Variants in SP5 observed in about 807,000 individuals in gnomAD.
SP5 encodes the protein transcription factor Sp5.
SP5 carries 12 observed loss-of-function variants against 27.4 expected under a neutral mutation model. The observed-to-expected ratio is 0.44, with a 90% CI of 0.28 to 0.71. The LOEUF (loss-of-function observed/expected upper bound fraction) is 0.71. SP5 is among the 30% of genes least tolerant of loss of function. The pLI, the probability that SP5 is intolerant of heterozygous loss-of-function variation, is 0.15. For synonymous variants in SP5, 330 were observed against 290.7 expected (o/e 1.14, Z -1.38); for missense variants, 660 against 589.8 (o/e 1.12, Z -1.23).
rs370850115 is a variant in SP5, at chr2:170,716,390, C to T, written c.183C>T (p.Pro61=). 1 of 1,598,546 alleles carries T rather than the reference C, an allele frequency of 6.3e-7. No individual in the cohort carries two copies. The highest frequency in any genetic ancestry group is 1.7e-5 in the Admixed American group (1 of 59,880). Residue 61 remains proline (P), a synonymous_variant, in exon 2 of 2, where the codon CCC becomes CCT. Coordinates refer to ENST00000375281, the MANE Select transcript of SP5 (RefSeq NM_001003845.3). ...ACTTCCTGCAGGTGCCCTACGACCCCGCGCTGGGCTCACCCTCCAGGCTCT... is the reference window on the plus strand; with the variant it reads ...ACTTCCTGCAGGTGCCCTACGACCCTGCGCTGGGCTCACCCTCCAGGCTCT... ...PPDFLQVPYD[P]ALGSPSRLFH...
rs895395729 is a variant in SP5, at chr2:170,716,501, G to C, written c.294G>C (p.Lys98Asn). The C allele has an allele frequency of 6.2e-7, 1 of 1,610,512 alleles. No individual in the cohort carries two copies. The highest frequency in any genetic ancestry group is 1.7e-5 in the Admixed American group (1 of 59,934). Residue 98 changes from lysine to asparagine, a missense_variant, in exon 2 of 2, where the codon AAG becomes AAC. Lys to Asn is a moderately conservative substitution (Grantham distance 94). Transcript: ENST00000375281. ...PHPSLGLTPQKTHLQPSFGAA... is the reference protein window; with the variant it reads ...PHPSLGLTPQNTHLQPSFGAA... Reference sequence around the variant, plus strand: ...CCAGCTTGGGGCTGACGCCGCAGAAGACGCACCTGCAGCCGTCCTTCGGGG... The same window carrying C: ...CCAGCTTGGGGCTGACGCCGCAGAACACGCACCTGCAGCCGTCCTTCGGGG...
rs779736326 is a variant in SP5 at position 170,716,695 on chromosome 2, T to TGCC, written c.489_491dup (p.Pro173dup). The TGCC allele has an allele frequency of 3.9e-6, 6 of 1,535,772 alleles. No homozygotes were observed. Among genetic ancestry groups the TGCC allele is most frequent in the African/African-American group, 2.9e-5 (2 of 69,484 alleles). ...CTGCCGCCAGGCTACTCCAACCTGCTGCCTCCGCCGCCGCCACCGCCCCCG... is the reference window on the plus strand; with the variant it reads ...CTGCCGCCAGGCTACTCCAACCTGCTGCCGCCTCCGCCGCCGCCACCGCCCCCG... On this transcript the variant is annotated inframe_insertion, in exon 2 of 2. Transcript: ENST00000375281.
rs1700104758 is a variant in SP5 at position 170,718,002 on chromosome 2, G to T, written c.*598G>T. On this transcript the variant is annotated 3_prime_UTR_variant, in exon 2 of 2. Coordinates refer to ENST00000375281, the MANE Select transcript of SP5 (RefSeq NM_001003845.3). ...AGACCCCGTTGAGCCGGTCTCATTTGATCTTTTCTTCTTCTGGGTGGCTGT... is the reference window on the plus strand; with the variant it reads ...AGACCCCGTTGAGCCGGTCTCATTTTATCTTTTCTTCTTCTGGGTGGCTGT... 6.6e-6 allele frequency: 1 copy of T among 152,418 alleles called. No individual in the cohort carries two copies. The highest frequency in any genetic ancestry group is 6.5e-5 in the Admixed American group (1 of 15,286). 9.4% of individuals were successfully genotyped at this position (152,418 alleles called of 1,614,324 possible).
rs1700100943 is a variant in SP5 at position 170,717,706 on chromosome 2, G to C, written c.*302G>C. 2 of 510,428 alleles carry C rather than the reference G, an allele frequency of 3.9e-6. No homozygotes were observed. The highest frequency in any genetic ancestry group is 7.0e-5 in the Admixed American group (2 of 28,588). The allele number at this position is 510,428 out of a possible 1,614,324, so 31.6% of individuals were successfully genotyped here. A position where few individuals can be genotyped will look rare whatever the true frequency, so the allele number is the denominator to read the frequency against. On this transcript the variant is annotated 3_prime_UTR_variant, in exon 2 of 2. Coordinates refer to ENST00000375281, the MANE Select transcript of SP5 (RefSeq NM_001003845.3). ...CCTACAGTTTCGGGGGACCACCCTG[G>C]TCTGGCCTTGTATATAGGAAATGCT... is the stretch of plus-strand genomic sequence containing the variant.
At position 170,717,413 on chromosome 2, in the gene SP5, G is replaced by A; in HGVS notation, c.*9G>A. 1 of 1,609,310 alleles carries A rather than the reference G, an allele frequency of 6.2e-7. No individual in the cohort carries two copies. The highest frequency in any genetic ancestry group is 8.5e-7 in the Non-Finnish European group (1 of 1,179,700). Reference sequence around the variant, plus strand: ...ACGCGCGGGACCTGTGAGCCCTCCCGGAGGTGGACCCCCTTCCCAGCACCT... The same window carrying A: ...ACGCGCGGGACCTGTGAGCCCTCCCAGAGGTGGACCCCCTTCCCAGCACCT... On this transcript the variant is annotated 3_prime_UTR_variant, in exon 2 of 2. Coordinates refer to ENST00000375281, the MANE Select transcript of SP5 (RefSeq NM_001003845.3).
chr2:170,717,105 G>T lies in SP5; in HGVS notation c.898G>T (p.Val300Leu). 1 of 1,584,678 alleles carries T rather than the reference G, an allele frequency of 6.3e-7. No homozygotes were observed. The highest frequency in any genetic ancestry group is 8.6e-7 in the Non-Finnish European group (1 of 1,166,710). Reference sequence around the variant, plus strand: ...GAAGAAGAAGCAGCACGTGTGCCACGTGCCGGGCTGCGGCAAGGTGTACGG... The same window carrying T: ...GAAGAAGAAGCAGCACGTGTGCCACTTGCCGGGCTGCGGCAAGGTGTACGG... ...PGKKKQHVCH[V>L]PGCGKVYGKT... is the part of the protein sequence containing the mutation. The change falls in exon 2 of 2, where the codon GTG becomes TTG. Residue 300 changes from valine to leucine, a missense_variant. Transcript: ENST00000375281.
At chr2:170,715,891 AG>A in intron 1 of SP5, 2 of 985,280 alleles carry the variant, frequency 2.0e-6, no homozygotes, top group South Asian at 9.4e-5. Flanking sequence ...AAAAGATGGG[AG>A]GGAGAGCGGC....
chr2:170,716,216 T>C (rs1700062637), intron 1 of SP5, 43 bp from the exon 2 acceptor site: 2 of 1,561,610 alleles, frequency 1.3e-6, no homozygotes, highest in Non-Finnish European at 1.7e-6. Flanking sequence ...CGCTTGGAGC[T>C]AACCTTTTGT....
At position 170,716,752 on chromosome 2, in the gene SP5, C is replaced by A. The variant is rs923972235; in HGVS notation, c.545C>A (p.Pro182Gln). 1.4e-6 allele frequency: 2 copies of A among 1,462,928 alleles called. No individual in the cohort carries two copies. Among genetic ancestry groups the A allele is most frequent in the Non-Finnish European group, 1.8e-6 (2 of 1,114,446 alleles). The allele number at this position is 1,462,928 out of a possible 1,614,324, so 90.6% of individuals were successfully genotyped here. Residue 182 changes from proline to glutamine, a missense_variant, in exon 2 of 2, where the codon CCG becomes CAG. Physicochemically the swap from Pro to Gln is moderately conservative, Grantham distance 76. Transcript: ENST00000375281. ...ACCTGCCGCCAGTTGTCACCCAACCCGGCCCCCGACGACCTCCCGTGGTGG... is the reference window on the plus strand; with the variant it reads ...ACCTGCCGCCAGTTGTCACCCAACCAGGCCCCCGACGACCTCCCGTGGTGG... The part of the protein sequence containing the change: ...PPTCRQLSPN[P>Q]APDDLPWWSI...
chr2:170,715,357 G>T lies in SP5; in HGVS notation c.-156G>T, dbSNP rs941221217. The T allele has an allele frequency of 7.2e-6, 7 of 977,334 alleles. No homozygotes were observed. Among genetic ancestry groups the T allele is most frequent in the Non-Finnish European group, 9.7e-6 (7 of 719,018 alleles). The allele number at this position is 977,334 out of a possible 1,614,324, so 60.5% of individuals were successfully genotyped here. On this transcript the variant is annotated 5_prime_UTR_variant, in exon 1 of 2. Transcript: ENST00000375281. The stretch of plus-strand genomic sequence containing the variant: ...CGCTCAGACCGCGCGCGGGGCGAGC[G>T]AGCGGGGCGCGGCGAGGGGCAAGGG...
intron 1 of SP5, 113 bp downstream of exon 1, chr2:170,715,676 C>T: frequency 1.4e-6 from 2 of 1,463,456 alleles, no homozygotes; most frequent in South Asian, 2.8e-5. Flanking sequence ...ATGGGTGCAG[C>T]TGGAGCCAGG....
In SP5 at chr2:170,717,181, C is replaced by G; in HGVS notation, c.974C>G (p.Pro325Arg). 6.2e-7 allele frequency: 1 copy of G among 1,607,900 alleles called. No individual in the cohort carries two copies. The highest frequency in any genetic ancestry group is 8.5e-7 in the Non-Finnish European group (1 of 1,178,050). ...AHLRWHTGER[P>R]FVCNWLFCGK... is the part of the protein sequence containing the mutation. Reference sequence around the variant, plus strand: ...CTGCGCTGGCACACGGGCGAGCGACCCTTCGTGTGCAACTGGCTCTTCTGC... The same window carrying G: ...CTGCGCTGGCACACGGGCGAGCGACGCTTCGTGTGCAACTGGCTCTTCTGC... Residue 325 changes from proline (P) to arginine (R), a missense_variant, in exon 2 of 2, where the codon CCC (proline) becomes CGC (arginine). Pro to Arg is a moderately radical substitution (Grantham distance 103). Transcript: ENST00000375281.
rs763189085 is a variant in SP5, at chr2:170,716,711, A to G, written c.504A>G (p.Pro168=). 1.1e-5 allele frequency: 17 copies of G among 1,489,518 alleles called. No individual in the cohort carries two copies. The South Asian group carries it at 1.7e-4, about 15-fold the overall frequency. The allele number at this position is 1,489,518 out of a possible 1,614,324, so 92.3% of individuals were successfully genotyped here. A position where few individuals can be genotyped will look rare whatever the true frequency, so the allele number is the denominator to read the frequency against. ...GYSNLLPPPP[P]PPPPPTCRQL... The stretch of plus-strand genomic sequence containing the variant: ...CCAACCTGCTGCCTCCGCCGCCGCC[A>G]CCGCCCCCGCCGCCCACCTGCCGCC... The change falls in exon 2 of 2, where the codon CCA becomes CCG. Residue 168 remains proline, a synonymous_variant. Transcript: ENST00000375281.
chr2:170,717,226 C>G lies in SP5; in HGVS notation c.1019C>G (p.Ser340Trp). Residue 340 changes from serine to tryptophan, a missense_variant, in exon 2 of 2, where the codon TCG becomes TGG. Coordinates refer to ENST00000375281, the MANE Select transcript of SP5 (RefSeq NM_001003845.3). ...TTCTGCGGGAAGAGCTTCACGCGCT[C>G]GGACGAGCTGCAGCGGCACCTGCGG... is the stretch of plus-strand genomic sequence containing the variant. ...WLFCGKSFTR[S>W]DELQRHLRTH... 1.2e-6 allele frequency: 2 copies of G among 1,609,096 alleles called. No homozygotes were observed. Among genetic ancestry groups the G allele is most frequent in the Non-Finnish European group, 1.7e-6 (2 of 1,178,952 alleles).
chr2:170,717,458 C>A lies in SP5; in HGVS notation c.*54C>A. The A allele has an allele frequency of 6.3e-7, 1 of 1,585,732 alleles. No homozygotes were observed. The highest frequency in any genetic ancestry group is 1.3e-5 in the African/African-American group (1 of 74,234). ...GCACCTCTGCGAGAGATCCGGGGACCTGTGGGCAGCTGGCGGAGGGGAGAC... is the reference window on the plus strand; with the variant it reads ...GCACCTCTGCGAGAGATCCGGGGACATGTGGGCAGCTGGCGGAGGGGAGAC... On this transcript the variant is annotated 3_prime_UTR_variant, in exon 2 of 2. Transcript: ENST00000375281.
In SP5 at chr2:170,716,837, C is replaced by T. The variant is rs1049531582; in HGVS notation, c.630C>T (p.Ser210=). 2.8e-6 allele frequency: 4 copies of T among 1,421,798 alleles called. No homozygotes were observed. The highest frequency in any genetic ancestry group is 3.7e-6 in the Non-Finnish European group (4 of 1,092,874). The allele number at this position is 1,421,798 out of a possible 1,614,324, so 88.1% of individuals were successfully genotyped here. A position where few individuals can be genotyped will look rare whatever the true frequency, so the allele number is the denominator to read the frequency against. Residue 210 remains serine (S), a synonymous_variant, in exon 2 of 2, where the codon TCC becomes TCT. Coordinates refer to ENST00000375281, the MANE Select transcript of SP5 (RefSeq NM_001003845.3). ...CCGGGGTTCCGGGAAGCGGCCTCTCCGGCGCCTGTGCCGGGGCCCCCCACG... is the reference window on the plus strand; with the variant it reads ...CCGGGGTTCCGGGAAGCGGCCTCTCTGGCGCCTGTGCCGGGGCCCCCCACG... The part of the protein sequence containing the change: ...GASGVPGSGL[S]GACAGAPHAP...
rs1252396636 is a variant in SP5, at chr2:170,716,910, G to T, written c.703G>T (p.Ala235Ser). ...SAAAAAAAAA[A>S]LQRGLVLGPS... is the part of the protein sequence containing the mutation. ...GGCCGCTGCTGCTGCGGCCGCCGCCGCCCTACAAAGAGGCCTGGTGTTGGG... is the reference window on the plus strand; with the variant it reads ...GGCCGCTGCTGCTGCGGCCGCCGCCTCCCTACAAAGAGGCCTGGTGTTGGG... The change falls in exon 2 of 2, where the codon GCC becomes TCC. Residue 235 changes from alanine to serine, a missense_variant. By Grantham distance (99) the Ala-to-Ser change is moderately conservative. Coordinates refer to ENST00000375281, the MANE Select transcript of SP5 (RefSeq NM_001003845.3). 4 of 1,534,790 alleles carry T rather than the reference G, an allele frequency of 2.6e-6. No individual in the cohort carries two copies. The highest frequency in any genetic ancestry group is 4.0e-5 in the Admixed American group (2 of 49,682).
chr2:170,716,068 G>A, intron 1 of SP5, 191 bp from the exon 2 acceptor site: 1 of 1,399,756 alleles, frequency 7.1e-7, no homozygotes, highest in Non-Finnish European at 9.2e-7. Flanking sequence ...CCCACGTTCA[G>A]GTAGCGCAGG....
chr2:170,717,196 G>T lies in SP5; in HGVS notation c.989G>T (p.Trp330Leu), dbSNP rs772622919. The T allele has an allele frequency of 1.9e-6, 3 of 1,608,664 alleles. No individual in the cohort carries two copies. In the East Asian group the frequency reaches 6.7e-5, roughly 36 times the overall value. The change falls in exon 2 of 2, where the codon TGG becomes TTG. Residue 330 changes from tryptophan to leucine, a missense_variant. Trp to Leu is a moderately conservative substitution (Grantham distance 61). Transcript: ENST00000375281. ...GGCGAGCGACCCTTCGTGTGCAACTGGCTCTTCTGCGGGAAGAGCTTCACG... is the reference window on the plus strand; with the variant it reads ...GGCGAGCGACCCTTCGTGTGCAACTTGCTCTTCTGCGGGAAGAGCTTCACG... ...HTGERPFVCNWLFCGKSFTRS... is the reference protein window; with the variant it reads ...HTGERPFVCNLLFCGKSFTRS...
Sources: allele counts gnomAD v4.1 joint callset, GRCh38; gene constraint gnomAD v4.1.1; transcripts MANE v1.5; gene names NCBI Gene and HGNC (gene_info 2026-07-23, HGNC 2026-07-21).